Variants in GALNT14 observed in about 807,000 individuals in gnomAD.
GALNT14 encodes the protein UDP-GalNAc:polypeptide N-acetylgalactosaminyltransferase 14.
GALNT14 carries 60 observed loss-of-function variants against 77.5 expected under a neutral mutation model. The ratio of observed to expected loss-of-function variants is 0.77; its 90% confidence interval spans 0.63 to 0.96. The LOEUF (loss-of-function observed/expected upper bound fraction) is 0.96, where lower values mean the gene tolerates loss of function less well. GALNT14 is among the 40% of genes least tolerant of loss of function. The pLI is 0.00. For synonymous variants in GALNT14, 280 were observed against 281.7 expected (o/e 0.99, Z 0.06); for missense variants, 710 against 731.0 (o/e 0.97, Z 0.33).
intron 8 of GALNT14, among the ~76,000 whole-genome samples, chr2:30,943,850 A>G (rs1412645435): frequency 6.6e-6 from 1 of 152,194 alleles, no homozygotes; most frequent in Non-Finnish European, 1.5e-5. Context: ...CCTACCCCAC[A>G]GTAGAGTTCT....
intron 1 of GALNT14, among the ~76,000 whole-genome samples, chr2:31,131,053 A>G (rs1678968584): frequency 6.6e-6 from 1 of 152,206 alleles, no homozygotes; most frequent in Non-Finnish European, 1.5e-5. Context: ...TGGGGGTCAG[A>G]CAGTTCTAGA....
chr2:30,995,831 T>G (rs1001248700), intron 1 of GALNT14, among the ~76,000 whole-genome samples: 5 of 152,110 alleles, frequency 3.3e-5, no homozygotes, highest in African/African-American at 1.2e-4. Context: ...ATATATATAG[T>G]TTAAGTTGAC....
intron 1 of GALNT14, among the ~76,000 whole-genome samples, chr2:31,077,259 T>C (rs1488896102): frequency 6.6e-6 from 1 of 152,208 alleles, no homozygotes; most frequent in Non-Finnish European, 1.5e-5. Flanking sequence ...AGTCCTATTT[T>C]AAAGGATCTT....
At chr2:31,082,672 C>T (rs932427542) in intron 1 of GALNT14, among the ~76,000 whole-genome samples, 3 of 152,090 alleles carry the variant, frequency 2.0e-5, no homozygotes, top group Non-Finnish European at 4.4e-5. Flanking sequence ...ATGGAAAGTG[C>T]TCAATGTTAG....
intron 1 of GALNT14, among the ~76,000 whole-genome samples, chr2:31,122,678 C>T (rs1276551895): frequency 3.3e-5 from 5 of 152,214 alleles, no homozygotes; most frequent in Non-Finnish European, 2.9e-5. Flanking sequence ...GGGGTGTTTT[C>T]TATAAATTTT....
intron 6 of GALNT14, among the ~76,000 whole-genome samples, chr2:30,946,326 T>TG (rs1002667715): frequency 7.9e-5 from 12 of 152,192 alleles, no homozygotes; most frequent in African/African-American, 2.7e-4. Context: ...AGGTGGGGCC[T>TG]GGTGGGAGGT....
intron 1 of GALNT14, among the ~76,000 whole-genome samples, chr2:31,027,918 G>GTGTGTGTGTGTGCA (rs61690434): frequency 5.2e-4 from 79 of 151,568 alleles, no homozygotes; most frequent in Middle Eastern, 3.4e-3. Flanking sequence ...GTGTGTGTGT[G>GTGTGTGTGTGTGCA]CACGCATGCA....
chr2:30,937,826 C>A (rs1666146431), intron 9 of GALNT14, among the ~76,000 whole-genome samples: 1 of 152,168 alleles, frequency 6.6e-6, no homozygotes, highest in Admixed American at 6.5e-5. Context: ...GTGTGGACAT[C>A]TTTGGGAGGG....
chr2:30,910,954 T>C lies in GALNT14; in HGVS notation c.1606A>G (p.Asn536Asp). Residue 536 changes from asparagine to aspartate, a missense_variant, in exon 15 of 15, where the codon AAC becomes GAC. Physicochemically the swap from Asn to Asp is conservative, Grantham distance 23. Transcript: ENST00000349752. ...CTCATGAGTGAGGACTCACATGGGT[T>C]GACGACGATTTCCTTGCCGTTCTCG... Reference protein sequence around the residue: ...GTENGKEIVVNPCESSLMSQH... With the variant: ...GTENGKEIVVDPCESSLMSQH... 4.3e-6 allele frequency: 7 copies of C among 1,613,882 alleles called. No homozygotes were observed. The highest frequency in any genetic ancestry group is 5.9e-6 in the Non-Finnish European group (7 of 1,179,986).
intron 1 of GALNT14, among the ~76,000 whole-genome samples, chr2:31,025,051 CAGTTA>C (rs1403068664): frequency 6.6e-6 from 1 of 151,578 alleles, no homozygotes; most frequent in African/African-American, 2.4e-5. Flanking sequence ...GTTATTAAGA[CAGTTA>C]AGTTATTAAG....
At chr2:31,009,027 C>A (rs1258790739) in intron 1 of GALNT14, among the ~76,000 whole-genome samples, 1 of 152,166 alleles carries the variant, frequency 6.6e-6, no homozygotes, top group African/African-American at 2.4e-5. Flanking sequence ...AATCAATGCC[C>A]CGGGCTGCAG....
the GALNT14 span, among the ~76,000 whole-genome samples, chr2:30,895,881 T>C: frequency 6.6e-6 from 1 of 152,124 alleles, no homozygotes; most frequent in Non-Finnish European, 1.5e-5. Flanking sequence ...ACCTGTTATA[T>C]AGCAGGTGTC....
intron 14 of GALNT14, 38 bp downstream of exon 14, chr2:30,912,185 G>A (rs370985848): frequency 1.6e-5 from 26 of 1,610,272 alleles, no homozygotes; most frequent in South Asian, 3.3e-5. Flanking sequence ...GTCACATTAC[G>A]GAGTTGGCCA....
the GALNT14 span, among the ~76,000 whole-genome samples, chr2:30,887,067 C>T: frequency 6.6e-6 from 1 of 152,216 alleles, no homozygotes; most frequent in Admixed American, 6.5e-5. Context: ...TACTACTTTT[C>T]ATGTCTGAAT....
At chr2:30,925,126 A>C (rs990363016) in intron 11 of GALNT14, among the ~76,000 whole-genome samples, 4 of 152,242 alleles carry the variant, frequency 2.6e-5, no homozygotes, top group Non-Finnish European at 5.9e-5. Flanking sequence ...AAGCTGCAAG[A>C]ACATTCAGTG....
At chr2:31,064,359 T>C (rs184140470) in intron 1 of GALNT14, among the ~76,000 whole-genome samples, 55 of 152,350 alleles carry the variant, frequency 3.6e-4, no homozygotes, top group African/African-American at 1.3e-3. Flanking sequence ...ATATTAGATC[T>C]AGAAACTGCC....
chr2:31,081,068 C>T (rs1676130323), intron 1 of GALNT14, among the ~76,000 whole-genome samples: 1 of 152,180 alleles, frequency 6.6e-6, no homozygotes, highest in Non-Finnish European at 1.5e-5. Flanking sequence ...AAGCATGCCC[C>T]TCCCTAACAC....
chr2:31,017,301 T>C (rs113475409), intron 1 of GALNT14, among the ~76,000 whole-genome samples: 9 of 152,302 alleles, frequency 5.9e-5, no homozygotes, highest in African/African-American at 1.4e-4. Flanking sequence ...ACTCAGCATA[T>C]ACCTGCCATC....
At chr2:31,060,936 C>T (rs938586309) in intron 1 of GALNT14, among the ~76,000 whole-genome samples, 2 of 152,204 alleles carry the variant, frequency 1.3e-5, no homozygotes, top group East Asian at 1.9e-4. Flanking sequence ...GATTGGCACA[C>T]TTTCTTCCTA....
Sources: allele counts gnomAD v4.1 joint callset (sites outside exome capture counted in the v4.1 genomes callset), GRCh38; gene constraint gnomAD v4.1.1; transcripts MANE v1.5; gene names NCBI Gene and HGNC (gene_info 2026-07-23, HGNC 2026-07-21).